The following ADCY5 variants were observed in gnomAD, a reference collection of about 807,000 sequenced individuals.
The protein encoded by ADCY5 is adenylate cyclase type 5.
In ADCY5, 30 loss-of-function variants were observed where a neutral mutation model predicts 119.7. That is an observed-to-expected ratio of 0.25 (90% CI 0.19 to 0.34). ADCY5 has a LOEUF of 0.34. Ranked by LOEUF, ADCY5 falls within the 10% of genes least tolerant of loss-of-function variation. The probability of loss-of-function intolerance (pLI) is 1.00; values close to 1 mark genes in which losing one functional copy is unlikely to be tolerated. For missense variants in ADCY5, 1,324 were observed against 1,775.2 expected (o/e 0.75, Z 4.57); for synonymous variants, 753 against 762.2 (o/e 0.99, Z 0.20).
chr3:123,350,085 T>C (rs1942759887), intron 2 of ADCY5, among the ~76,000 whole-genome samples: 1 of 152,200 alleles, frequency 6.6e-6, no homozygotes, highest in Non-Finnish European at 1.5e-5. Context: ...TCCTGGGGTC[T>C]TTCTTGCTGT....
intron 1 of ADCY5, among the ~76,000 whole-genome samples, chr3:123,442,296 C>A (rs1440117550): frequency 6.6e-6 from 1 of 152,182 alleles, no homozygotes; most frequent in Non-Finnish European, 1.5e-5. Context: ...AGGCACTCAG[C>A]AAGAGGCTGC....
rs538398061 is a variant in ADCY5 at position 123,283,356 on chromosome 3, C to T, written c.*1252G>A. The T allele has an allele frequency of 1.3e-5, 2 of 152,248 alleles. No homozygotes were observed. The highest frequency in any genetic ancestry group is 4.1e-4 in the South Asian group (2 of 4,836). The allele number at this position is 152,248 out of a possible 1,614,324, so 9.4% of individuals were successfully genotyped here. On this transcript the variant is annotated 3_prime_UTR_variant, in exon 21 of 21. Transcript: ENST00000462833. ...ATCTCAGGGTGTGGAGGGCACCACA[C>T]TGCCTGTCGCAGGATGAGATTGCTT...
chr3:123,286,293 G>A lies in ADCY5; in HGVS notation c.3657+392C>T, dbSNP rs1023070809. Among the ~76,000 whole-genome samples, 1 of 152,148 alleles carries A rather than the reference G, an allele frequency of 6.6e-6. No homozygotes were observed. ...AGCCCCCACTGGCTCTCCTGAGCCA[G>A]GCCAGGAGTGCTGCAGGCTCAATGG... On this transcript the variant is annotated intron_variant, in intron 20 of 20. Coordinates refer to ENST00000462833, the MANE Select transcript of ADCY5 (RefSeq NM_183357.3). This position sits in a 1 kb window ranked among gnomAD's most constrained non-coding sequence, Gnocchi z 4.2.
chr3:123,300,012 A>T, intron 15 of ADCY5, 108 bp downstream of exon 15: 1 of 1,213,932 alleles, frequency 8.2e-7, no homozygotes, highest in Non-Finnish European at 1.2e-6. Context: ...GGAACAAGAT[A>T]CTCTCCTCGC....
intron 1 of ADCY5, among the ~76,000 whole-genome samples, chr3:123,398,228 G>T (rs1027094140): frequency 1.3e-5 from 2 of 152,032 alleles, no homozygotes; most frequent in Non-Finnish European, 2.9e-5. Context: ...TTCTAACAAA[G>T]TTCCCCCCTG....
At position 123,402,801 on chromosome 3, in the gene ADCY5, C is replaced by T. The variant is rs1430568920; in HGVS notation, c.1134+44611G>A. 2.7e-5 allele frequency among the ~76,000 whole-genome samples: 4 copies of T among 146,268 alleles called. No homozygotes were observed. In the East Asian group the frequency reaches 6.1e-4, roughly 22 times the overall value. On this transcript the variant is annotated intron_variant, in intron 1 of 20. Coordinates refer to ENST00000462833, the MANE Select transcript of ADCY5 (RefSeq NM_183357.3). Reference sequence around the variant, plus strand: ...CCGGGAGGCGGAGCTTGCAGTGAGCCGAGATCGCGCCACTGCACTCCAGCC... The same window carrying T: ...CCGGGAGGCGGAGCTTGCAGTGAGCTGAGATCGCGCCACTGCACTCCAGCC...
chr3:123,398,964 T>TG (rs1293907511), intron 1 of ADCY5, among the ~76,000 whole-genome samples: 2 of 152,222 alleles, frequency 1.3e-5, no homozygotes, highest in Non-Finnish European at 2.9e-5. Flanking sequence ...AATCCCCTGT[T>TG]GGACTGGGAG....
In ADCY5 at chr3:123,296,069, C is replaced by T; in HGVS notation, c.3063+15G>A. 19 of 1,613,392 alleles carry T rather than the reference C, an allele frequency of 1.2e-5. No individual in the cohort carries two copies. Among genetic ancestry groups the T allele is most frequent in the Non-Finnish European group, 1.4e-5 (17 of 1,179,586 alleles). On this transcript the variant is annotated intron_variant, in intron 17 of 20. Coordinates refer to ENST00000462833, the MANE Select transcript of ADCY5 (RefSeq NM_183357.3). ...AAATGCCTCCCTCCCCAGGTCCAGC[C>T]CCAGGGCCACCCACCTGCAGTTTCC...
intron 1 of ADCY5, among the ~76,000 whole-genome samples, chr3:123,353,775 T>C (rs1326250752): frequency 6.6e-6 from 1 of 152,192 alleles, no homozygotes; most frequent in Non-Finnish European, 1.5e-5. Flanking sequence ...AGGGGCCTCT[T>C]GGCTCTCGAC....
chr3:123,443,320 GA>G (rs1945754684), intron 1 of ADCY5, among the ~76,000 whole-genome samples: 2 of 152,166 alleles, frequency 1.3e-5, no homozygotes, highest in Admixed American at 6.5e-5. Context: ...CCCAGGACCA[GA>G]AAAGCAAACG....
chr3:123,297,173 G>T, intron 16 of ADCY5, 180 bp downstream of exon 16: 1 of 1,349,722 alleles, frequency 7.4e-7, no homozygotes, highest in Admixed American at 1.8e-5. Context: ...AGTGACCAGG[G>T]CCTCTGCCCC....
Position 123,373,765 on chromosome 3 carries a change from C to A in ADCY5, c.1135-21184G>T, listed in dbSNP as rs560342016. Among the ~76,000 whole-genome samples, 10 of 35,270 alleles carry A rather than the reference C, an allele frequency of 2.8e-4. 1 individual carries two copies. The highest frequency in any genetic ancestry group is 0.062 in the East Asian group (1 of 16). 23.1% of individuals were successfully genotyped at this position (35,270 alleles called of 152,430 possible). A position where few individuals can be genotyped will look rare whatever the true frequency, so the allele number is the denominator to read the frequency against. On this transcript the variant is annotated intron_variant, in intron 1 of 20. Transcript: ENST00000462833. ...ACAGGCCAGAAGCATCACGCCCCCCCCCCCCCGACCCCCCCGCAGGTAGCA... is the reference window on the plus strand; with the variant it reads ...ACAGGCCAGAAGCATCACGCCCCCCACCCCCCGACCCCCCCGCAGGTAGCA...
intron 1 of ADCY5, among the ~76,000 whole-genome samples, chr3:123,396,237 AAG>A (rs1314242536): frequency 9.8e-5 from 8 of 81,718 alleles, no homozygotes; most frequent in South Asian, 3.8e-4. Context: ...GAAACAAAGA[AAG>A]AGAAAAAGAG....
intron 1 of ADCY5, among the ~76,000 whole-genome samples, chr3:123,402,378 T>C (rs1944784931): frequency 6.6e-6 from 1 of 152,230 alleles, no homozygotes; most frequent in Non-Finnish European, 1.5e-5. Context: ...GTTACTATTC[T>C]TGGGATCAAA....
intron 1 of ADCY5, among the ~76,000 whole-genome samples, chr3:123,357,533 A>C (rs1943083530): frequency 6.6e-6 from 1 of 152,280 alleles, no homozygotes; most frequent in Admixed American, 6.5e-5. Context: ...TAGCCGTCCA[A>C]ATGGCTTTGC....
chr3:123,389,634 C>T (rs947523837), intron 1 of ADCY5, among the ~76,000 whole-genome samples: 4 of 151,996 alleles, frequency 2.6e-5, no homozygotes, highest in African/African-American at 7.2e-5. Context: ...CCCAGCAGAG[C>T]GGCACATGTG....
intron 12 of ADCY5, 26 bp from the exon 13 acceptor site, chr3:123,304,209 G>T (rs2108271056): frequency 8.1e-7 from 1 of 1,228,748 alleles, no homozygotes; most frequent in South Asian, 1.3e-5. Context: ...GGGTGGAGAG[G>T]GAGGGAGGGA....
chr3:123,305,763 G>A (rs1940164287), intron 12 of ADCY5, among the ~76,000 whole-genome samples: 1 of 152,200 alleles, frequency 6.6e-6, no homozygotes, highest in Non-Finnish European at 1.5e-5. Context: ...TGTGTGCATA[G>A]GGAGGGTGTA....
intron 17 of ADCY5, among the ~76,000 whole-genome samples, chr3:123,294,413 C>T (rs1939362256): frequency 6.6e-6 from 1 of 152,220 alleles, no homozygotes; most frequent in African/African-American, 2.4e-5. Context: ...GGGGACATGA[C>T]AGTGGAGAAA....
Sources: gnomAD v4.1 joint callset for allele counts (sites outside exome capture counted in the v4.1 genomes callset) on GRCh38, gnomAD v4.1.1 for gene constraint, Gnocchi (gnomAD v3.1) non-coding constraint, MANE v1.5 for transcripts, NCBI Gene and HGNC (gene_info 2026-07-23, HGNC 2026-07-21) for gene names.